MAPK10: variants seen among roughly 807,000 people sequenced by gnomAD.
The protein encoded by MAPK10 is JNK3 alpha protein kinase.
MAPK10 carries 25 observed loss-of-function variants against 59.3 expected under a neutral mutation model. That is an observed-to-expected ratio of 0.42 (90% CI 0.31 to 0.59). The LOEUF is 0.59. MAPK10 is among the 20% of genes least tolerant of loss of function. The pLI is 0.15. For missense variants in MAPK10, 351 were observed against 568.9 expected (o/e 0.62, Z 3.90); for synonymous variants, 190 against 200.5 (o/e 0.95, Z 0.44).
At chr4:86,307,248 T>C (rs562580414) in intron 2 of MAPK10, among the ~76,000 whole-genome samples, 1 of 152,308 alleles carries the variant, frequency 6.6e-6, no homozygotes, top group East Asian at 1.9e-4. Context: ...TGGGCTCACA[T>C]TGCACAGTTT....
At chr4:86,569,746 C>A (rs971102016) in intron 1 of MAPK10, among the ~76,000 whole-genome samples, 1 of 152,050 alleles carries the variant, frequency 6.6e-6, no homozygotes, top group Non-Finnish European at 1.5e-5. Flanking sequence ...GAGAGCTAAA[C>A]AGTGGGTACA....
At chr4:86,102,907 G>T in intron 6 of MAPK10, 1 of 248,228 alleles carries the variant, frequency 4.0e-6, no homozygotes, top group East Asian at 8.1e-5. Context: ...TTCCCTGAGT[G>T]ACCAAGAGCA....
intron 1 of MAPK10, among the ~76,000 whole-genome samples, chr4:86,403,796 T>G (rs1744023904): frequency 6.6e-6 from 1 of 152,048 alleles, no homozygotes; most frequent in South Asian, 2.1e-4. Flanking sequence ...ATGATCCAAT[T>G]ACCTCCCTCC....
chr4:86,264,164 A>G (rs1199635889), intron 2 of MAPK10, among the ~76,000 whole-genome samples: 2 of 152,204 alleles, frequency 1.3e-5, no homozygotes, highest in Non-Finnish European at 2.9e-5. Context: ...TTTGAAGTTA[A>G]CAAGAAAATG....
In MAPK10 at chr4:86,208,784, A is replaced by C. The variant is rs140254570; in HGVS notation, c.-6-14377T>G. The stretch of plus-strand genomic sequence containing the variant: ...AAAATAAAGGGTATTCAATTAGGAA[A>C]AGAGGAAGTCAAATTGTCCCTGTTT... On this transcript the variant is annotated intron_variant, in intron 2 of 13. Coordinates refer to ENST00000641462, the MANE Select transcript of MAPK10 (RefSeq NM_138982.4). Among the ~76,000 whole-genome samples the C allele has an allele frequency of 6.6e-3, 1,009 of 152,236 alleles. 37 individuals are homozygous for C. The highest frequency in any genetic ancestry group is 0.06 in the Admixed American group (923 of 15,280).
intron 2 of MAPK10, among the ~76,000 whole-genome samples, chr4:86,290,576 T>C (rs1345316929): frequency 6.6e-6 from 1 of 152,240 alleles, no homozygotes; most frequent in Non-Finnish European, 1.5e-5. Context: ...ATCTTAATTA[T>C]TACATATTTC....
chr4:86,305,087 C>T (rs2095543469), intron 2 of MAPK10, among the ~76,000 whole-genome samples: 1 of 152,082 alleles, frequency 6.6e-6, no homozygotes, highest in Non-Finnish European at 1.5e-5. Flanking sequence ...TATGGTACTT[C>T]TTGATTATTT....
intron 1 of MAPK10, among the ~76,000 whole-genome samples, chr4:86,391,630 A>C (rs1273814391): frequency 1.3e-5 from 2 of 152,198 alleles, no homozygotes; most frequent in African/African-American, 4.8e-5. Context: ...AAGTGAAGGC[A>C]AGAATCCTTC....
chr4:86,536,444 T>C (rs901022882), intron 1 of MAPK10, among the ~76,000 whole-genome samples: 1 of 152,274 alleles, frequency 6.6e-6, no homozygotes, highest in South Asian at 2.1e-4. Context: ...TTACGTTTAT[T>C]CATCCTAAGG....
chr4:86,210,731 A>G (rs2085540432), intron 2 of MAPK10, among the ~76,000 whole-genome samples: 1 of 151,942 alleles, frequency 6.6e-6, no homozygotes, highest in Non-Finnish European at 1.5e-5. Flanking sequence ...CAAAGAAAAA[A>G]ATAGACAGAA....
intron 2 of MAPK10, among the ~76,000 whole-genome samples, chr4:86,266,710 GAGA>G: frequency 6.6e-6 from 1 of 152,186 alleles, no homozygotes; most frequent in Middle Eastern, 3.4e-3. Flanking sequence ...CCAGAATTTT[GAGA>G]AGCTTTATTA....
intron 2 of MAPK10, among the ~76,000 whole-genome samples, chr4:86,288,158 G>GT (rs1189238706): frequency 2.0e-5 from 3 of 151,702 alleles, no homozygotes; most frequent in East Asian, 3.9e-4. Context: ...GATCACTAAT[G>GT]TTTTTTGTTT....
At chr4:86,486,542 T>C (rs1330872606) in intron 1 of MAPK10, among the ~76,000 whole-genome samples, 1 of 152,284 alleles carries the variant, frequency 6.6e-6, no homozygotes, top group East Asian at 1.9e-4. Flanking sequence ...ATGGGTATCA[T>C]AATATTGAGA....
At chr4:86,298,509 C>A (rs1470804345) in intron 2 of MAPK10, among the ~76,000 whole-genome samples, 1 of 152,174 alleles carries the variant, frequency 6.6e-6, no homozygotes, top group Non-Finnish European at 1.5e-5. Flanking sequence ...CCTGATGATG[C>A]CTTCACTCTT....
intron 2 of MAPK10, among the ~76,000 whole-genome samples, chr4:86,315,005 A>T (rs892156093): frequency 1.2e-4 from 19 of 152,282 alleles, no homozygotes; most frequent in Non-Finnish European, 2.4e-4. Flanking sequence ...AAATACTTTT[A>T]AAAAATTCTA....
At chr4:86,214,948 G>T (rs940078808) in intron 2 of MAPK10, among the ~76,000 whole-genome samples, 2 of 152,156 alleles carry the variant, frequency 1.3e-5, no homozygotes, top group East Asian at 3.9e-4. Flanking sequence ...GGAGACTTAA[G>T]TAGCCAAAAC....
At chr4:86,466,495 G>A (rs943626706) in intron 1 of MAPK10, among the ~76,000 whole-genome samples, 1 of 152,164 alleles carries the variant, frequency 6.6e-6, no homozygotes, top group Admixed American at 6.5e-5. Context: ...TTCTGTGTGT[G>A]TGTCTTTAAT....
chr4:86,112,033 G>A (rs2057559249), intron 4 of MAPK10, among the ~76,000 whole-genome samples: 1 of 151,734 alleles, frequency 6.6e-6, no homozygotes, highest in Non-Finnish European at 1.5e-5. Flanking sequence ...ATTCTCTGAT[G>A]GCAGTTTGTA....
intron 2 of MAPK10, among the ~76,000 whole-genome samples, chr4:86,299,027 G>A (rs2095421056): frequency 6.6e-6 from 1 of 152,158 alleles, no homozygotes; most frequent in African/African-American, 2.4e-5. Flanking sequence ...TGAAGGGCCT[G>A]CCTATTATTA....
Sources: allele counts gnomAD v4.1 joint callset (sites outside exome capture counted in the v4.1 genomes callset), GRCh38; gene constraint gnomAD v4.1.1; transcripts MANE v1.5; gene names NCBI Gene and HGNC (gene_info 2026-07-23, HGNC 2026-07-21).